PKD1L1: variants seen among roughly 807,000 people sequenced by gnomAD.
PKD1L1 encodes polycystin 1 like 1, transient receptor potential channel interacting, also known as polycystin-1-like protein 1.
A neutral mutation model predicts 323.4 loss-of-function variants in PKD1L1; 236 were observed. That is an observed-to-expected ratio of 0.73 (90% CI 0.66 to 0.81). PKD1L1 has a LOEUF of 0.81. PKD1L1 is among the 40% of genes least tolerant of loss of function. The pLI, the probability that PKD1L1 is intolerant of heterozygous loss-of-function variation, is 0.00. For missense variants in PKD1L1, 3,320 were observed against 3,508.0 expected, an observed-to-expected ratio of 0.95 and a Z score of 1.35; for synonymous variants, 1,344 against 1,335.0, an observed-to-expected ratio of 1.01 and a Z score of -0.15.
chr7:47,786,843 G>A lies in PKD1L1; in HGVS notation c.8526+5784C>T, dbSNP rs180834326. Among the ~76,000 whole-genome samples the A allele has an allele frequency of 2.3e-3, 355 of 152,250 alleles. 1 individual carries two copies. The highest frequency in any genetic ancestry group is 4.0e-3 in the Admixed American group (61 of 15,294). On this transcript the variant is annotated intron_variant, in intron 56 of 56. Coordinates refer to ENST00000289672, the MANE Select transcript of PKD1L1 (RefSeq NM_138295.5). ...CCCCCGGCTGGGAGGTCTCTTCGGG[G>A]TCCAAGGCTACATAGCTGAGAGGCC...
intron 56 of PKD1L1, 80 bp downstream of exon 56, chr7:47,792,546 GA>G: frequency 7.2e-7 from 1 of 1,395,166 alleles, no homozygotes; most frequent in Non-Finnish European, 9.8e-7. Context: ...TTATAATTTG[GA>G]AAAACAACTA....
chr7:47,865,728 C>G (rs990711586), intron 25 of PKD1L1, among the ~76,000 whole-genome samples: 68 of 151,334 alleles, frequency 4.5e-4, no homozygotes, highest in African/African-American at 1.6e-3. Context: ...TGGGACTACA[C>G]GCGCCTGCCA....
rs146601040 is a variant in PKD1L1 at position 47,882,007 on chromosome 7, T to A, written c.3344A>T (p.Asp1115Val). The change falls in exon 20 of 57, where the codon GAC becomes GTC. Residue 1115 changes from aspartate (D) to valine (V), a missense_variant. By Grantham distance (152) the Asp-to-Val change is radical (BLOSUM62 -3). Transcript: ENST00000289672. ...ESPGDGDNLV[D>V]PSLSAGRAEP... Reference sequence around the variant, plus strand: ...GGCTCTGCCTGCAGACAGGGAGGGGTCCACCAGGTTATCCCCATCTCCAGG... The same window carrying A: ...GGCTCTGCCTGCAGACAGGGAGGGGACCACCAGGTTATCCCCATCTCCAGG... The A allele has an allele frequency of 6.2e-7, 1 of 1,613,190 alleles. No homozygotes were observed. The highest frequency in any genetic ancestry group is 8.5e-7 in the Non-Finnish European group (1 of 1,179,784).
At chr7:47,874,392 C>T (rs1786355161) in intron 23 of PKD1L1, among the ~76,000 whole-genome samples, 1 of 152,104 alleles carries the variant, frequency 6.6e-6, no homozygotes, top group Admixed American at 6.6e-5. Context: ...AGGTGATGGC[C>T]AGATGCTAAG....
At chr7:47,847,941 A>T (rs1467149777) in intron 31 of PKD1L1, among the ~76,000 whole-genome samples, 4 of 152,058 alleles carry the variant, frequency 2.6e-5, no homozygotes, top group Non-Finnish European at 4.4e-5. Context: ...AACAAACTCA[A>T]TACAAAAGTG....
intron 12 of PKD1L1, 41 bp downstream of exon 12, chr7:47,904,337 G>A (rs529031799): frequency 1.3e-5 from 21 of 1,611,754 alleles, no homozygotes; most frequent in South Asian, 6.6e-5. Flanking sequence ...TGATTCCCGC[G>A]CTGTCTGTAG....
At chr7:47,851,127 C>T (rs753105876) in intron 31 of PKD1L1, among the ~76,000 whole-genome samples, 2 of 152,082 alleles carry the variant, frequency 1.3e-5, no homozygotes, top group Non-Finnish European at 2.9e-5. Flanking sequence ...TCAGTGACGC[C>T]CCAATAGCAA....
At chr7:47,943,048 A>G (rs1788021046) in intron 2 of PKD1L1, among the ~76,000 whole-genome samples, 2 of 150,988 alleles carry the variant, frequency 1.3e-5, no homozygotes, top group African/African-American at 4.9e-5. Context: ...CAGGAGGCTG[A>G]GGCAGGAGAA....
At chr7:47,876,247 G>A in intron 22 of PKD1L1, 30 bp from the exon 23 acceptor site, 1 of 1,610,206 alleles carries the variant, frequency 6.2e-7, no homozygotes, top group Non-Finnish European at 8.5e-7. Flanking sequence ...AGCAAAAATA[G>A]TATAAATGAA....
chr7:47,775,776 A>G (rs2128720171), intron 56 of PKD1L1, among the ~76,000 whole-genome samples: 2 of 151,894 alleles, frequency 1.3e-5, no homozygotes, highest in Middle Eastern at 6.8e-3. Flanking sequence ...TAATAAATAA[A>G]TACTAAAGAT....
chr7:47,800,870 C>A lies in PKD1L1; in HGVS notation c.7972G>T (p.Ala2658Ser), dbSNP rs201946817. The A allele has an allele frequency of 3.7e-6, 6 of 1,613,630 alleles. No homozygotes were observed. In the East Asian group the frequency reaches 1.3e-4, roughly 36 times the overall value. Residue 2658 changes from alanine (A) to serine (S), a missense_variant, in exon 54 of 57, where the codon GCA becomes TCA. Physicochemically the swap from Ala to Ser is moderately conservative, Grantham distance 99. Coordinates refer to ENST00000289672, the MANE Select transcript of PKD1L1 (RefSeq NM_138295.5). ...TGGGAGAGGGCGGCCAGCATCAGTG[C>A]CCCCACCAGCTGCAGAAAGAAAATC... Reference protein sequence around the residue: ...PSIFVAGLVGALMLAALSHLH... With the variant: ...PSIFVAGLVGSLMLAALSHLH...
chr7:47,786,470 G>C (rs1192761353), intron 56 of PKD1L1, among the ~76,000 whole-genome samples: 1 of 152,148 alleles, frequency 6.6e-6, no homozygotes, highest in Admixed American at 6.5e-5. Context: ...AAATGTGAAA[G>C]GGAATGCAGA....
At chr7:47,780,671 C>A (rs1346509215) in intron 56 of PKD1L1, among the ~76,000 whole-genome samples, 1 of 152,076 alleles carries the variant, frequency 6.6e-6, no homozygotes, top group African/African-American at 2.4e-5. Context: ...AGTATGTAAC[C>A]TTTTGAGTTT....
rs1161376380 is a variant in PKD1L1 at position 47,915,608 on chromosome 7, G to A, written c.1061-9C>T. The A allele has an allele frequency of 2.7e-5, 40 of 1,459,264 alleles. No homozygotes were observed. Among genetic ancestry groups the A allele is most frequent in the Non-Finnish European group, 3.6e-5 (38 of 1,068,224 alleles). 90.4% of individuals were successfully genotyped at this position (1,459,264 alleles called of 1,614,324 possible). A position where few individuals can be genotyped will look rare whatever the true frequency, so the allele number is the denominator to read the frequency against. On this transcript the variant is annotated splice_polypyrimidine_tract_variant and intron_variant, in intron 7 of 56. Coordinates refer to ENST00000289672, the MANE Select transcript of PKD1L1 (RefSeq NM_138295.5). ...AAGATGAAAAAAAATACCTATAAAA[G>A]CAAAAAGAAGAAAATAAAGATAAAA...
At chr7:47,899,152 A>G (rs1478171100) in intron 13 of PKD1L1, among the ~76,000 whole-genome samples, 7 of 152,158 alleles carry the variant, frequency 4.6e-5, no homozygotes, top group African/African-American at 1.7e-4. Flanking sequence ...AAATATTAGC[A>G]TTATTCATTC....
chr7:47,795,928 A>G (rs1448205751), intron 55 of PKD1L1, 61 bp downstream of exon 55: 6 of 1,551,182 alleles, frequency 3.9e-6, no homozygotes, highest in African/African-American at 1.4e-5. Flanking sequence ...AAATTCTGCA[A>G]TGAAACCATC....
Position 47,858,774 on chromosome 7 carries a change from C to T in PKD1L1, c.4261G>A (p.Gly1421Ser), listed in dbSNP as rs146609164. Reference protein sequence around the residue: ...IDKGVRLELIGLISRVWEVSE... With the variant: ...IDKGVRLELISLISRVWEVSE... ...ACTTCCCAGACTCTGGATATGAGAC[C>T]GATGAGCTCAAGCCTCACTCCTTTG... Residue 1421 changes from glycine to serine, a missense_variant, in exon 27 of 57, where the codon GGT becomes AGT. Transcript: ENST00000289672. 9.3e-5 allele frequency: 150 copies of T among 1,614,058 alleles called. No homozygotes were observed. Among genetic ancestry groups the T allele is most frequent in the Non-Finnish European group, 1.1e-4 (132 of 1,180,036 alleles).
chr7:47,827,854 T>A (rs62448556), intron 44 of PKD1L1, among the ~76,000 whole-genome samples: 22,865 of 152,188 alleles, frequency 0.15, 2,348 homozygotes, highest in East Asian at 0.44. Context: ...TAAAGTATAG[T>A]CTTAGCAAGA....
rs540385968 is a variant in PKD1L1 at position 47,833,024 on chromosome 7, C to T, written c.6337+66G>A. On this transcript the variant is annotated intron_variant, in intron 41 of 56. Coordinates refer to ENST00000289672, the MANE Select transcript of PKD1L1 (RefSeq NM_138295.5). Reference sequence around the variant, plus strand: ...CCAATTGTGACTCTGCTTGCCCTGCCTCTCCCAATGGCTGCAGGTCTGCTG... The same window carrying T: ...CCAATTGTGACTCTGCTTGCCCTGCTTCTCCCAATGGCTGCAGGTCTGCTG... The T allele has an allele frequency of 2.9e-4, 444 of 1,528,012 alleles. 5 individuals are homozygous for T. The South Asian group carries it at 5.4e-3, about 19-fold the overall frequency. The allele number at this position is 1,528,012 out of a possible 1,614,324, so 94.7% of individuals were successfully genotyped here.
Sources: allele counts gnomAD v4.1 joint callset (sites outside exome capture counted in the v4.1 genomes callset), GRCh38; gene constraint gnomAD v4.1.1; transcripts MANE v1.5; gene names NCBI Gene and HGNC (gene_info 2026-07-23, HGNC 2026-07-21).